The following APP variants were observed in gnomAD, a reference collection of about 807,000 sequenced individuals.
The protein encoded by APP is amyloid beta precursor protein, also known as amyloid-beta precursor protein.
In APP, 31 loss-of-function variants were observed where a neutral mutation model predicts 101.4. That is an observed-to-expected ratio of 0.31 (90% CI 0.23 to 0.41). APP has a LOEUF of 0.41. Ranked by LOEUF, APP falls within the 10% of genes least tolerant of loss-of-function variation. The probability of loss-of-function intolerance (pLI) is 1.00; values close to 1 mark genes in which losing one functional copy is unlikely to be tolerated. For missense variants in APP, 839 were observed against 1,003.7 expected, an observed-to-expected ratio of 0.84 and a Z score of 2.22; for synonymous variants, 366 against 364.4, an observed-to-expected ratio of 1.00 and a Z score of -0.05.
intron 6 of APP, 77 bp from the exon 7 acceptor site, chr21:26,000,259 T>C (rs2043236733): frequency 6.3e-7 from 1 of 1,577,642 alleles, no homozygotes; most frequent in Admixed American, 1.7e-5. Context: ...CACGTTTACT[T>C]CTTTTAATCC....
rs754932918 is a variant in APP, at chr21:26,053,386, G to C, written c.356-38C>G. On this transcript the variant is annotated intron_variant, in intron 3 of 17. Coordinates refer to ENST00000346798, the MANE Select transcript of APP (RefSeq NM_000484.4). ...AAAACCACTTCCCGTCATTCCATCT[G>C]TATCACAGTGTTCTTACCGCAGAAG... 8 of 1,371,466 alleles carry C rather than the reference G, an allele frequency of 5.8e-6. No homozygotes were observed. In the East Asian group the frequency reaches 1.8e-4, roughly 31 times the overall value. 85.0% of individuals were successfully genotyped at this position (1,371,466 alleles called of 1,614,324 possible). A position where few individuals can be genotyped will look rare whatever the true frequency, so the allele number is the denominator to read the frequency against.
At chr21:26,062,226 AACAAACACACACAC>A (rs2046295337) in intron 3 of APP, among the ~76,000 whole-genome samples, 1 of 86,386 alleles carries the variant, frequency 1.2e-5, no homozygotes, top group Non-Finnish European at 2.8e-5. Context: ...CAAACAAACA[AACAAACACACACAC>A]ACACACACAC....
At chr21:26,049,342 C>T (rs1163900300) in intron 5 of APP, among the ~76,000 whole-genome samples, 1 of 152,096 alleles carries the variant, frequency 6.6e-6, no homozygotes, top group Admixed American at 6.5e-5. Context: ...TCAACAAACA[C>T]GTACTGGGCA....
intron 3 of APP, among the ~76,000 whole-genome samples, chr21:26,087,220 C>T (rs2061722772): frequency 6.6e-6 from 1 of 152,170 alleles, no homozygotes; most frequent in Non-Finnish European, 1.5e-5. Flanking sequence ...CACCTATATT[C>T]CTTAATTCTA....
chr21:25,994,027 C>T (rs2042963859), intron 8 of APP, among the ~76,000 whole-genome samples: 1 of 152,180 alleles, frequency 6.6e-6, no homozygotes, highest in Admixed American at 6.5e-5. Context: ...TCACATGGTG[C>T]AATCTGCTGA....
At chr21:25,935,854 A>AT (rs1332175026) in intron 13 of APP, among the ~76,000 whole-genome samples, 1 of 150,988 alleles carries the variant, frequency 6.6e-6, no homozygotes, top group Non-Finnish European at 1.5e-5. Context: ...AAAAAAAAAA[A>AT]AAAAAAACCT....
intron 5 of APP, among the ~76,000 whole-genome samples, chr21:26,050,518 G>A (rs2045793263): frequency 6.6e-6 from 1 of 152,006 alleles, no homozygotes. Context: ...ATTTATTAAT[G>A]CCTTTGACTT....
chr21:26,088,312 A>T (rs538971000), intron 3 of APP, among the ~76,000 whole-genome samples: 14 of 152,242 alleles, frequency 9.2e-5, no homozygotes, highest in Non-Finnish European at 1.8e-4. Context: ...AATACAAATC[A>T]TTCTGAATAG....
intron 3 of APP, among the ~76,000 whole-genome samples, chr21:26,069,151 G>A (rs192247862): frequency 2.6e-5 from 4 of 152,204 alleles, no homozygotes; most frequent in East Asian, 1.9e-4. Context: ...CCCGTTGATC[G>A]ATTTCCCCAC....
At chr21:26,012,845 C>T (rs2043871107) in intron 6 of APP, among the ~76,000 whole-genome samples, 1 of 151,898 alleles carries the variant, frequency 6.6e-6, no homozygotes, top group Non-Finnish European at 1.5e-5. Flanking sequence ...TGGTTGCACA[C>T]ACCTGTAGTC....
At chr21:26,017,611 G>A (rs201525627) in intron 6 of APP, among the ~76,000 whole-genome samples, 7 of 212 alleles carry the variant, frequency 0.033, no homozygotes, top group African/African-American at 0.11. Context: ...TGAATAAATG[G>A]AACATAAGGA....
At chr21:26,131,277 A>G (rs1281647624) in intron 1 of APP, among the ~76,000 whole-genome samples, 2 of 152,148 alleles carry the variant, frequency 1.3e-5, no homozygotes, top group African/African-American at 4.8e-5. Flanking sequence ...ATTTAAAAAA[A>G]AAGGTCTGTT....
intron 2 of APP, among the ~76,000 whole-genome samples, chr21:26,094,534 C>A (rs1222599292): frequency 4.0e-5 from 6 of 150,030 alleles, no homozygotes; most frequent in Non-Finnish European, 7.4e-5. Flanking sequence ...GGAAAAAAAG[C>A]CTTTTTATGT....
chr21:26,021,772 T>C, intron 6 of APP, 68 bp downstream of exon 6: 1 of 1,589,988 alleles, frequency 6.3e-7, no homozygotes, highest in Non-Finnish European at 8.6e-7. Context: ...AGGGTGGATA[T>C]TTCCAACTCT....
chr21:25,913,156 CAA>C (rs59561752), intron 13 of APP, among the ~76,000 whole-genome samples: 1 of 152,072 alleles, frequency 6.6e-6, no homozygotes, highest in African/African-American at 2.4e-5. Flanking sequence ...TTTCTATTGA[CAA>C]AAAATGTATC....
chr21:26,168,115 A>G (rs535417620), intron 1 of APP, among the ~76,000 whole-genome samples: 41 of 152,294 alleles, frequency 2.7e-4, no homozygotes, highest in African/African-American at 8.9e-4. Context: ...AAATAAATAA[A>G]TATTAGGGTA....
chr21:25,992,101 G>T (rs1183806609), intron 8 of APP, among the ~76,000 whole-genome samples: 1 of 152,162 alleles, frequency 6.6e-6, no homozygotes, highest in African/African-American at 2.4e-5. Context: ...ATACTGTATA[G>T]GCCAAGCGTG....
At chr21:25,952,187 T>TACACAC (rs1324301529) in intron 13 of APP, among the ~76,000 whole-genome samples, 3,435 of 111,076 alleles carry the variant, frequency 0.031, 145 homozygotes, top group African/African-American at 0.094. Context: ...GCATATTACA[T>TACACAC]ACATACACAC....
chr21:25,978,038 T>C (rs1601093545), intron 9 of APP, among the ~76,000 whole-genome samples: 1 of 152,234 alleles, frequency 6.6e-6, no homozygotes, highest in Admixed American at 6.5e-5. Context: ...TTTCCCATAT[T>C]ACATTTACAT....
Sources: gnomAD v4.1 joint callset for allele counts (sites outside exome capture counted in the v4.1 genomes callset) on GRCh38, gnomAD v4.1.1 for gene constraint, MANE v1.5 for transcripts, NCBI Gene and HGNC (gene_info 2026-07-23, HGNC 2026-07-21) for gene names.